The following POLE variants were observed in gnomAD, a reference collection of about 807,000 sequenced individuals.
The protein encoded by POLE is DNA polymerase epsilon catalytic subunit A.
A neutral mutation model predicts 279.2 loss-of-function variants in POLE; 188 were observed. The ratio of observed to expected loss-of-function variants is 0.67; its 90% confidence interval spans 0.60 to 0.76. The LOEUF is 0.76. POLE is among the 30% of genes least tolerant of loss of function. POLE has a pLI of 0.00. For missense variants in POLE, 2,703 were observed against 3,016.7 expected (o/e 0.90, Z 2.44); for synonymous variants, 1,214 against 1,172.5 (o/e 1.04, Z -0.72).
intron 8 of POLE, 63 bp downstream of exon 8, chr12:132,677,300 T>C (rs2043076028): frequency 1.7e-6 from 2 of 1,170,794 alleles, no homozygotes; most frequent in African/African-American, 1.5e-5. Context: ...TCTCCAGCAC[T>C]GAAGAATATT....
At chr12:132,681,787 T>C (rs964238246) in intron 1 of POLE, among the ~76,000 whole-genome samples, 1 of 152,254 alleles carries the variant, frequency 6.6e-6, no homozygotes, top group African/African-American at 2.4e-5. Flanking sequence ...AGAGTCATGA[T>C]GGCTAGACAC....
At chr12:132,648,255 C>G (rs1027939569) in intron 32 of POLE, among the ~76,000 whole-genome samples, 1 of 151,564 alleles carries the variant, frequency 6.6e-6, no homozygotes, top group Non-Finnish European at 1.5e-5. Context: ...GGAAGTGGAT[C>G]AGTGGCTACT....
At chr12:132,635,808 CG>C (rs2138483317) in intron 42 of POLE, 83 bp downstream of exon 42, 1 of 1,461,174 alleles carries the variant, frequency 6.8e-7, no homozygotes, top group Non-Finnish European at 9.3e-7. Flanking sequence ...CCAGGCCCGC[CG>C]GGGCCCTGAG....
At position 132,664,901 on chromosome 12, in the gene POLE, G is replaced by A. The variant is rs948796533; in HGVS notation, c.2468+401C>T. On this transcript the variant is annotated intron_variant, in intron 21 of 48. Transcript: ENST00000320574. This position sits in a 1 kb window ranked among gnomAD's most constrained non-coding sequence, Gnocchi z 5.3. ...GTCAGCTGTCCCACCCTCCCCTCCCGGCACCAGCCCCATGCCCCTTGTCAG... is the reference window on the plus strand; with the variant it reads ...GTCAGCTGTCCCACCCTCCCCTCCCAGCACCAGCCCCATGCCCCTTGTCAG... 3.4e-5 allele frequency among the ~76,000 whole-genome samples: 3 copies of A among 88,050 alleles called. No homozygotes were observed. The highest frequency in any genetic ancestry group is 8.6e-5 in the African/African-American group (2 of 23,214). The allele number at this position is 88,050 out of a possible 152,430, so 57.8% of individuals were successfully genotyped here.
intron 8 of POLE, among the ~76,000 whole-genome samples, chr12:132,677,099 ACC>A (rs1164286271): frequency 1.3e-5 from 2 of 152,298 alleles, no homozygotes; most frequent in African/African-American, 4.8e-5. Context: ...ACTATCAACT[ACC>A]CAAACGGAAG....
Position 132,675,981 on chromosome 12 carries a change from C to A in POLE, c.1020+113G>T, listed in dbSNP as rs1437457257. On this transcript the variant is annotated intron_variant, in intron 10 of 48. Coordinates refer to ENST00000320574, the MANE Select transcript of POLE (RefSeq NM_006231.4). This position sits in a 1 kb window ranked among gnomAD's most constrained non-coding sequence, Gnocchi z 4.3. The stretch of plus-strand genomic sequence containing the variant: ...AGAAAAGACGGTCATACCCTGAGAA[C>A]AAAGCTCATGGAGCTGCAATTCTGA... 23 of 937,820 alleles carry A rather than the reference C, an allele frequency of 2.5e-5. No individual in the cohort carries two copies. The highest frequency in any genetic ancestry group is 3.5e-5 in the Non-Finnish European group (21 of 602,366). 58.1% of individuals were successfully genotyped at this position (937,820 alleles called of 1,614,324 possible).
chr12:132,659,994 CTTTTA>C (rs753055951), intron 25 of POLE: 7 of 170,388 alleles, frequency 4.1e-5, no homozygotes, highest in Non-Finnish European at 8.9e-5. Context: ...CCTGGCTTGG[CTTTTA>C]TTTTATTAAA....
At chr12:132,643,585 G>T (rs760529710) in intron 33 of POLE, 25 bp from the exon 34 acceptor site, 1 of 1,613,442 alleles carries the variant, frequency 6.2e-7, no homozygotes, top group African/African-American at 1.3e-5. Flanking sequence ...CAGACAGGCC[G>T]GCAAGGGCTG....
chr12:132,686,772 T>C (rs905211945), intron 1 of POLE, among the ~76,000 whole-genome samples: 3 of 152,014 alleles, frequency 2.0e-5, no homozygotes, highest in Non-Finnish European at 4.4e-5. Flanking sequence ...TCTCTCTCTG[T>C]AGCCCAGGCT....
At position 132,625,132 on chromosome 12, in the gene POLE, G is replaced by A. The variant is rs942864648; in HGVS notation, c.6658-138C>T. 3.6e-5 allele frequency: 25 copies of A among 703,498 alleles called. 1 individual carries two copies. Among genetic ancestry groups the A allele is most frequent in the South Asian group, 2.4e-4 (15 of 63,220 alleles). 43.6% of individuals were successfully genotyped at this position (703,498 alleles called of 1,614,324 possible). The stretch of plus-strand genomic sequence containing the variant: ...CCCCTGCTGTGTGCAGCCAGCCCTC[G>A]GTTATGAGTAAAATGCACGACCTCA... On this transcript the variant is annotated intron_variant, in intron 47 of 48. Coordinates refer to ENST00000320574, the MANE Select transcript of POLE (RefSeq NM_006231.4).
intron 45 of POLE, among the ~76,000 whole-genome samples, chr12:132,630,148 TATA>T (rs1394196416): frequency 3.9e-5 from 6 of 152,142 alleles, no homozygotes; most frequent in Admixed American, 3.9e-4. Context: ...TCACGGCTGA[TATA>T]ATAATAGTGG....
In POLE at chr12:132,672,723, G is replaced by A. The variant is rs1040269464; in HGVS notation, c.1590C>T (p.Asp530=). Residue 530 remains aspartate, a synonymous_variant, in exon 15 of 49, where the codon GAC becomes GAT. Coordinates refer to ENST00000320574, the MANE Select transcript of POLE (RefSeq NM_006231.4). ...QEQEFNKLTD[D]GHVLDSETYV... ...AGGTCTCAGAGTCCAGCACGTGTCC[G>A]TCGTCCGTCAGCTTATTGAACTCCT... is the stretch of plus-strand genomic sequence containing the variant. 43 of 1,614,142 alleles carry A rather than the reference G, an allele frequency of 2.7e-5. No homozygotes were observed. The highest frequency in any genetic ancestry group is 5.3e-5 in the African/African-American group (4 of 75,060).
chr12:132,657,575 G>A, intron 27 of POLE, 146 bp from the exon 28 acceptor site: 2 of 736,092 alleles, frequency 2.7e-6, no homozygotes, highest in Non-Finnish European at 4.6e-6. Flanking sequence ...TTGCACAACA[G>A]AGGACACCAA....
Position 132,624,760 on chromosome 12 carries a change from G to A in POLE, c.6798C>T (p.Gly2266=). The A allele has an allele frequency of 6.2e-7, 1 of 1,613,852 alleles. No individual in the cohort carries two copies. The highest frequency in any genetic ancestry group is 8.5e-7 in the Non-Finnish European group (1 of 1,179,690). Residue 2266 remains glycine, a synonymous_variant, in exon 49 of 49, where the codon GGC becomes GGT. Coordinates refer to ENST00000320574, the MANE Select transcript of POLE (RefSeq NM_006231.4). ...CCAGGGTCTCCAGGAGGTACGACATGCCGTAGTGCTGGGCAATGTTCCGGA... is the reference window on the plus strand; with the variant it reads ...CCAGGGTCTCCAGGAGGTACGACATACCGTAGTGCTGGGCAATGTTCCGGA... ...GIFRNIAQHY[G]MSYLLETLEW... is the part of the protein sequence containing the mutation.
rs1565937052 is a variant in POLE at position 132,642,356 on chromosome 12, G to A, written c.4994C>T (p.Ser1665Phe). The change falls in exon 38 of 49, where the codon TCC (serine) becomes TTC (phenylalanine). Residue 1665 changes from serine (S) to phenylalanine (F), a missense_variant. Transcript: ENST00000320574. The part of the protein sequence containing the change: ...IPIGNLPEDI[S>F]TFGSDLFFAR... ...AAAGAAGAGGTCGGAGCCGAATGTG[G>A]AGATGTCCTCTGGTAGGTTCCCAAT... 4.4e-6 allele frequency: 7 copies of A among 1,587,624 alleles called. No individual in the cohort carries two copies. Among genetic ancestry groups the A allele is most frequent in the Non-Finnish European group, 6.0e-6 (7 of 1,165,112 alleles).
At chr12:132,625,355 G>A (rs547827891) in intron 47 of POLE, 50 of 731,958 alleles carry the variant, frequency 6.8e-5, no homozygotes, top group South Asian at 2.6e-4. Flanking sequence ...TCCTGTGGCC[G>A]AGCTGTGCAA....
In POLE at chr12:132,668,363, C is replaced by T. The variant is rs1218032839; in HGVS notation, c.2166G>A (p.Arg722=). The part of the protein sequence containing the change: ...REEQAKYEKR[R]LADYCRKAYK... ...CCATGCCCAGGCACTCACCCGCCAG[C>T]CTTCTCTTCTCGTATTTCGCCTGTT... Residue 722 remains arginine, a synonymous_variant, in exon 19 of 49, where the codon AGG becomes AGA. Coordinates refer to ENST00000320574, the MANE Select transcript of POLE (RefSeq NM_006231.4). The surrounding 1 kb of genome is among the most constrained non-coding windows in gnomAD (Gnocchi z 4.0). The T allele has an allele frequency of 6.4e-7, 1 of 1,574,716 alleles. No homozygotes were observed. The highest frequency in any genetic ancestry group is 1.8e-5 in the Admixed American group (1 of 54,374).
chr12:132,624,881 C>T lies in POLE; in HGVS notation c.6747+24G>A, dbSNP rs764265575. The T allele has an allele frequency of 2.2e-5, 35 of 1,609,184 alleles. No homozygotes were observed. In the East Asian group the frequency reaches 2.5e-4, roughly 11 times the overall value. On this transcript the variant is annotated intron_variant, in intron 48 of 48. Coordinates refer to ENST00000320574, the MANE Select transcript of POLE (RefSeq NM_006231.4). ...GGAGGCCAAGGAGGCCAGGCTGAGCCGAGGCAGATGAGGGAGAGCCCACCT... is the reference window on the plus strand; with the variant it reads ...GGAGGCCAAGGAGGCCAGGCTGAGCTGAGGCAGATGAGGGAGAGCCCACCT...
intron 26 of POLE, 163 bp from the exon 27 acceptor site, chr12:132,658,133 G>T (rs1480833594): frequency 1.2e-5 from 7 of 572,016 alleles, no homozygotes; most frequent in Non-Finnish European, 2.2e-5. Context: ...ATGCCTACAG[G>T]TTCCTCGGGG....
Sources: gnomAD v4.1 joint callset for allele counts (sites outside exome capture counted in the v4.1 genomes callset) on GRCh38, gnomAD v4.1.1 for gene constraint, Gnocchi (gnomAD v3.1) non-coding constraint, MANE v1.5 for transcripts, NCBI Gene and HGNC (gene_info 2026-07-23, HGNC 2026-07-21) for gene names.